The following FNBP1 variants were observed in gnomAD, a reference collection of about 807,000 sequenced individuals.
The protein encoded by FNBP1 is formin-binding protein 1.
In FNBP1, 26 loss-of-function variants were observed where a neutral mutation model predicts 90.6. The observed-to-expected ratio is 0.29, with a 90% CI of 0.21 to 0.40. FNBP1 has a LOEUF of 0.40. Ranked by LOEUF, FNBP1 falls within the 10% of genes least tolerant of loss-of-function variation. FNBP1 has a pLI of 1.00. For synonymous variants in FNBP1, 260 were observed against 265.2 expected, an observed-to-expected ratio of 0.98 and a Z score of 0.19; for missense variants, 635 against 768.0, an observed-to-expected ratio of 0.83 and a Z score of 2.05.
chr9:129,950,376 G>A (rs775039382), intron 6 of FNBP1, among the ~76,000 whole-genome samples: 10 of 152,108 alleles, frequency 6.6e-5, no homozygotes, highest in Non-Finnish European at 1.3e-4. Context: ...ATAGCAAAAC[G>A]ATGCTCCCAG....
At chr9:129,967,368 T>C (rs1404010017) in intron 4 of FNBP1, among the ~76,000 whole-genome samples, 2 of 151,968 alleles carry the variant, frequency 1.3e-5, no homozygotes, top group African/African-American at 4.8e-5. Flanking sequence ...ATACAAAAAT[T>C]AGCCAGGCGT....
At chr9:130,015,970 T>C (rs1219642559) in intron 1 of FNBP1, among the ~76,000 whole-genome samples, 1 of 152,210 alleles carries the variant, frequency 6.6e-6, no homozygotes, top group Non-Finnish European at 1.5e-5. Context: ...GAAATTAATG[T>C]TTTAGACATT....
At chr9:129,947,741 G>GT (rs2045550908) in intron 6 of FNBP1, among the ~76,000 whole-genome samples, 1 of 151,506 alleles carries the variant, frequency 6.6e-6, no homozygotes, top group Admixed American at 6.6e-5. Flanking sequence ...TCCTGCCTCA[G>GT]TCTCCCGAGT....
intron 15 of FNBP1, among the ~76,000 whole-genome samples, chr9:129,899,597 T>C (rs559037399): frequency 6.6e-6 from 1 of 151,998 alleles, no homozygotes; most frequent in South Asian, 2.1e-4. Flanking sequence ...GACATGGTGG[T>C]GCTTGCCTGT....
intron 4 of FNBP1, among the ~76,000 whole-genome samples, chr9:129,970,337 C>G (rs1588969822): frequency 6.6e-6 from 1 of 152,102 alleles, no homozygotes. Flanking sequence ...TCCCGAGTAG[C>G]TGGGATTGCA....
intron 2 of FNBP1, among the ~76,000 whole-genome samples, chr9:129,993,814 G>A (rs1381848819): frequency 1.3e-5 from 2 of 151,620 alleles, no homozygotes; most frequent in Admixed American, 6.6e-5. Flanking sequence ...TAGTAGAGGC[G>A]GGGTTTCACC....
intron 1 of FNBP1, among the ~76,000 whole-genome samples, chr9:130,002,517 CCT>C (rs1207016048): frequency 6.6e-6 from 1 of 152,154 alleles, no homozygotes; most frequent in Admixed American, 6.6e-5. Context: ...GCACCTCCCC[CCT>C]CTCTATTGTG....
At chr9:129,916,249 G>A in intron 10 of FNBP1, 1 of 468,098 alleles carries the variant, frequency 2.1e-6, no homozygotes. Context: ...TTCTGTTACA[G>A]GCCTGTACTG....
intron 6 of FNBP1, among the ~76,000 whole-genome samples, chr9:129,945,509 C>T (rs543042195): frequency 6.6e-6 from 1 of 152,200 alleles, no homozygotes; most frequent in Non-Finnish European, 1.5e-5. Context: ...AAGATGTCAA[C>T]CTAGTACTAC....
intron 1 of FNBP1, among the ~76,000 whole-genome samples, chr9:130,034,034 TAGAC>T (rs965004839): frequency 1.0e-4 from 13 of 128,358 alleles, no homozygotes; most frequent in East Asian, 2.3e-4. Context: ...AAAAAAAAGT[TAGAC>T]AGGCCAGCTG....
intron 1 of FNBP1, among the ~76,000 whole-genome samples, chr9:130,035,246 C>T (rs1488630062): frequency 6.6e-6 from 1 of 152,184 alleles, no homozygotes; most frequent in Non-Finnish European, 1.5e-5. Context: ...CTTGTAGCAC[C>T]CCCAGCCAAT....
At chr9:129,921,838 T>C (rs2041163447) in intron 10 of FNBP1, among the ~76,000 whole-genome samples, 1 of 152,318 alleles carries the variant, frequency 6.6e-6, no homozygotes, top group East Asian at 1.9e-4. Context: ...CTCTAGTTAA[T>C]TAGTTGTAGT....
At chr9:129,915,339 C>T (rs1424456329) in intron 11 of FNBP1, among the ~76,000 whole-genome samples, 1 of 152,046 alleles carries the variant, frequency 6.6e-6, no homozygotes, top group African/African-American at 2.4e-5. Flanking sequence ...ATCCAACAGA[C>T]ACCCCCCAAG....
chr9:129,963,821 G>A (rs1969752), intron 4 of FNBP1, among the ~76,000 whole-genome samples: 144,207 of 151,826 alleles, frequency 0.95, 68,664 homozygotes, highest in East Asian at 0.99. Context: ...CACCATGTTG[G>A]CCAGGCTATC....
Position 129,890,207 on chromosome 9 carries a change from G to A in FNBP1, c.*332C>T, listed in dbSNP as rs748725302. ...TGAAGCGCGGAAGGGCTGCCAGGAC[G>A]AGCCCGGGTGGACTGAGGGCCCAGG... On this transcript the variant is annotated 3_prime_UTR_variant, in exon 17 of 17. Coordinates refer to ENST00000446176, the MANE Select transcript of FNBP1 (RefSeq NM_015033.3). This position sits in a 1 kb window ranked among gnomAD's most constrained non-coding sequence, Gnocchi z 5.8. 18 of 450,362 alleles carry A rather than the reference G, an allele frequency of 4.0e-5. No homozygotes were observed. The highest frequency in any genetic ancestry group is 7.2e-5 in the East Asian group (2 of 27,668). 27.9% of individuals were successfully genotyped at this position (450,362 alleles called of 1,614,324 possible). A position where few individuals can be genotyped will look rare whatever the true frequency, so the allele number is the denominator to read the frequency against.
At chr9:130,009,573 C>A (rs997658493) in intron 1 of FNBP1, among the ~76,000 whole-genome samples, 1 of 151,862 alleles carries the variant, frequency 6.6e-6, no homozygotes, top group East Asian at 1.9e-4. Flanking sequence ...GAGACCAAGG[C>A]GGGCGGATCA....
chr9:130,042,016 G>A lies in FNBP1; in HGVS notation c.24+936C>T, dbSNP rs376805331. ...ACTGAGATTTCGTCTGCTCCTTCCC[G>A]GGCCGCCGCACTGCCCATCCCCTGC... On this transcript the variant is annotated intron_variant, in intron 1 of 16. Coordinates refer to ENST00000446176, the MANE Select transcript of FNBP1 (RefSeq NM_015033.3). This position sits in a 1 kb window ranked among gnomAD's most constrained non-coding sequence, Gnocchi z 5.5. Among the ~76,000 whole-genome samples the A allele has an allele frequency of 5.1e-4, 77 of 152,054 alleles. No individual in the cohort carries two copies. Among genetic ancestry groups the A allele is most frequent in the African/African-American group, 1.8e-3 (75 of 41,478 alleles).
rs1673466607 is a variant in FNBP1 at position 129,927,185 on chromosome 9, C to T, written c.789+10G>A. On this transcript the variant is annotated intron_variant, in intron 8 of 16. Transcript: ENST00000446176. The stretch of plus-strand genomic sequence containing the variant: ...ATAGTTATCAATGAAGTCCAAATGG[C>T]AATACTTACATTTTTCTGATCAATT... The T allele has an allele frequency of 2.5e-6, 4 of 1,613,016 alleles. No homozygotes were observed. Among genetic ancestry groups the T allele is most frequent in the Non-Finnish European group, 3.4e-6 (4 of 1,179,316 alleles).
At chr9:130,010,223 C>A (rs1935401877) in intron 1 of FNBP1, among the ~76,000 whole-genome samples, 1 of 152,146 alleles carries the variant, frequency 6.6e-6, no homozygotes, top group African/African-American at 2.4e-5. Context: ...TTTGTCTGAG[C>A]ATCTTGGCTG....
Sources: gnomAD v4.1 joint callset for allele counts (sites outside exome capture counted in the v4.1 genomes callset) on GRCh38, gnomAD v4.1.1 for gene constraint, Gnocchi (gnomAD v3.1) non-coding constraint, MANE v1.5 for transcripts, NCBI Gene and HGNC (gene_info 2026-07-23, HGNC 2026-07-21) for gene names.